Variants in TICRR observed in about 807,000 individuals in gnomAD.
TICRR encodes treslin.
TICRR carries 132 observed loss-of-function variants against 178.1 expected under a neutral mutation model. That is an observed-to-expected ratio of 0.74 (90% CI 0.64 to 0.86). The LOEUF (loss-of-function observed/expected upper bound fraction) is 0.86, where lower values mean the gene tolerates loss of function less well. Among genes scored for constraint, TICRR ranks in the 40% least tolerant of loss-of-function variants. TICRR has a pLI of 0.00. For synonymous variants in TICRR, 991 were observed against 900.7 expected, an observed-to-expected ratio of 1.10 and a Z score of -1.79; for missense variants, 2,587 against 2,334.3, an observed-to-expected ratio of 1.11 and a Z score of -2.23.
rs1276851115 is a variant in TICRR, at chr15:89,624,970, G to A, written c.4660G>A (p.Ala1554Thr). ...PASAWHSTDS[A>T]SPQTYEVELE... ...ATCAGCTTGGCATTCCACAGACTCT[G>A]CCAGCCCACAGACCTATGAGGTTGA... The change falls in exon 20 of 22, where the codon GCC (alanine) becomes ACC (threonine). Residue 1554 changes from alanine (A) to threonine (T), a missense_variant. Physicochemically the swap from Ala to Thr is moderately conservative, Grantham distance 58. Coordinates refer to ENST00000268138, the MANE Select transcript of TICRR (RefSeq NM_152259.4). The A allele has an allele frequency of 3.7e-6, 6 of 1,614,066 alleles. No individual in the cohort carries two copies. In the East Asian group the frequency reaches 1.3e-4, roughly 36 times the overall value.
chr15:89,586,101 T>C (rs1175176587), intron 4 of TICRR, among the ~76,000 whole-genome samples, 159 bp downstream of exon 4: 1 of 152,208 alleles, frequency 6.6e-6, no homozygotes, highest in Non-Finnish European at 1.5e-5. Flanking sequence ...TTATTATTTA[T>C]AGAATTCCTT....
intron 17 of TICRR, 41 bp from the exon 18 acceptor site, chr15:89,619,667 G>A: frequency 6.3e-7 from 1 of 1,576,538 alleles, no homozygotes; most frequent in Non-Finnish European, 8.6e-7. Context: ...TGTCAAGCTT[G>A]TAGTTGTCTT....
intron 4 of TICRR, among the ~76,000 whole-genome samples, chr15:89,587,256 G>A (rs1299171847): frequency 4.6e-5 from 7 of 152,116 alleles, no homozygotes; most frequent in Non-Finnish European, 8.8e-5. Flanking sequence ...GGGGTGGTGA[G>A]GACTGGAGGG....
chr15:89,615,017 G>A (rs1470633250), intron 15 of TICRR, among the ~76,000 whole-genome samples: 1 of 152,200 alleles, frequency 6.6e-6, no homozygotes, highest in East Asian at 1.9e-4. Context: ...AGTGCTACAC[G>A]TGTGTGGACT....
intron 7 of TICRR, 129 bp downstream of exon 7, chr15:89,595,740 A>C: frequency 1.5e-6 from 1 of 667,592 alleles, no homozygotes; most frequent in Non-Finnish European, 2.5e-6. Context: ...ACAGTAAATA[A>C]TAAGATAATG....
Position 89,626,938 on chromosome 15 carries a change from C to T in TICRR, c.5603-18C>T, listed in dbSNP as rs372217618. ...CCTCTGTGACTCCTGCATGCTAAGC[C>T]TTTCTACCTTCTTCTAGATGAGGAT... On this transcript the variant is annotated intron_variant, in intron 21 of 21. Coordinates refer to ENST00000268138, the MANE Select transcript of TICRR (RefSeq NM_152259.4). 6.2e-7 allele frequency: 1 copy of T among 1,612,442 alleles called. No individual in the cohort carries two copies.
At position 89,624,002 on chromosome 15, in the gene TICRR, C is replaced by T; in HGVS notation, c.3692C>T (p.Ser1231Leu). ...CCCTCCTGTCCAGCCCCTCCAACTT[C>T]ATCGACTGCCCAGCCCAGGAGAGAG... ...ESPSCPAPPT[S>L]STAQPRRECL... Residue 1231 changes from serine (S) to leucine (L), a missense_variant, in exon 20 of 22, where the codon TCA becomes TTA. Ser to Leu is a moderately radical substitution (Grantham distance 145, BLOSUM62 -2). Coordinates refer to ENST00000268138, the MANE Select transcript of TICRR (RefSeq NM_152259.4). The T allele has an allele frequency of 1.9e-6, 3 of 1,613,738 alleles. No individual in the cohort carries two copies. Among genetic ancestry groups the T allele is most frequent in the Non-Finnish European group, 2.5e-6 (3 of 1,180,010 alleles).
At chr15:89,590,443 G>A (rs943665208) in intron 4 of TICRR, among the ~76,000 whole-genome samples, 1 of 152,186 alleles carries the variant, frequency 6.6e-6, no homozygotes, top group African/African-American at 2.4e-5. Context: ...TATTTATATA[G>A]TCTTGGAAGC....
At position 89,624,575 on chromosome 15, in the gene TICRR, A is replaced by T. The variant is rs143531730; in HGVS notation, c.4265A>T (p.Asp1422Val). The T allele has an allele frequency of 2.7e-5, 44 of 1,613,782 alleles. 1 individual carries two copies. The Middle Eastern group carries it at 4.9e-4, about 18-fold the overall frequency. Residue 1422 changes from aspartate to valine, a missense_variant, in exon 20 of 22, where the codon GAT becomes GTT. By Grantham distance (152) the Asp-to-Val change is radical. Coordinates refer to ENST00000268138, the MANE Select transcript of TICRR (RefSeq NM_152259.4). Reference protein sequence around the residue: ...DSPAAPTDSRDDQKGLSLSPQ... With the variant: ...DSPAAPTDSRVDQKGLSLSPQ... ...CCAGCTGCCCCCACAGACTCTAGAG[A>T]TGACCAGAAGGGACTGAGCCTCTCT...
Position 89,575,559 on chromosome 15 carries a change from G to C in TICRR, c.-28G>C. The C allele has an allele frequency of 1.3e-5, 19 of 1,448,510 alleles. No individual in the cohort carries two copies. The highest frequency in any genetic ancestry group is 1.7e-5 in the Non-Finnish European group (19 of 1,108,486). The allele number at this position is 1,448,510 out of a possible 1,614,324, so 89.7% of individuals were successfully genotyped here. On this transcript the variant is annotated 5_prime_UTR_variant, in exon 1 of 22. Coordinates refer to ENST00000268138, the MANE Select transcript of TICRR (RefSeq NM_152259.4). ...AGGGACGGTGGCGCGGGCCCGGACC[G>C]GGGCCCCGGGGCGGCGGCACGGCCG...
intron 11 of TICRR, 59 bp downstream of exon 11, chr15:89,601,627 T>G: frequency 6.2e-7 from 1 of 1,608,040 alleles, no homozygotes; most frequent in Non-Finnish European, 8.5e-7. Flanking sequence ...CTATGTATGG[T>G]GTTGTCTCTG....
At chr15:89,611,512 C>A (rs1458076396) in intron 15 of TICRR, among the ~76,000 whole-genome samples, 12 of 152,106 alleles carry the variant, frequency 7.9e-5, no homozygotes, top group Non-Finnish European at 5.9e-5. Flanking sequence ...TGTATATGTT[C>A]ATGTCTTTCA....
intron 13 of TICRR, among the ~76,000 whole-genome samples, chr15:89,604,007 G>C (rs777890298): frequency 4.3e-4 from 65 of 151,684 alleles, no homozygotes; most frequent in Non-Finnish European, 8.4e-4. Context: ...CATGGCAGTT[G>C]ATATAAGGAC....
At chr15:89,611,073 A>G (rs1335866517) in intron 15 of TICRR, among the ~76,000 whole-genome samples, 4 of 152,000 alleles carry the variant, frequency 2.6e-5, no homozygotes, top group Non-Finnish European at 4.4e-5. Flanking sequence ...CAAAATTACC[A>G]TAATGCTGGC....
chr15:89,581,598 G>T (rs991177600), intron 1 of TICRR, among the ~76,000 whole-genome samples: 1 of 152,196 alleles, frequency 6.6e-6, no homozygotes, highest in African/African-American at 2.4e-5. Context: ...CTTAAAATAT[G>T]GCATGTTCAG....
At chr15:89,586,431 G>A (rs921590372) in intron 4 of TICRR, among the ~76,000 whole-genome samples, 15 of 152,092 alleles carry the variant, frequency 9.9e-5, no homozygotes, top group Non-Finnish European at 1.6e-4. Flanking sequence ...AGTACCTGCT[G>A]TATGGCAGGC....
At chr15:89,620,956 A>T (rs1223902974) in intron 18 of TICRR, among the ~76,000 whole-genome samples, 1 of 150,880 alleles carries the variant, frequency 6.6e-6, no homozygotes, top group Non-Finnish European at 1.5e-5. Context: ...TCTCCGACTT[A>T]GTGATCTGCC....
Position 89,575,563 on chromosome 15 carries a change from C to T in TICRR, c.-24C>T. The T allele has an allele frequency of 1.4e-6, 2 of 1,450,232 alleles. No individual in the cohort carries two copies. The highest frequency in any genetic ancestry group is 2.9e-5 in the African/African-American group (2 of 68,894). 89.8% of individuals were successfully genotyped at this position (1,450,232 alleles called of 1,614,324 possible). A position where few individuals can be genotyped will look rare whatever the true frequency, so the allele number is the denominator to read the frequency against. On this transcript the variant is annotated 5_prime_UTR_variant, in exon 1 of 22. Transcript: ENST00000268138. ...ACGGTGGCGCGGGCCCGGACCGGGG[C>T]CCCGGGGCGGCGGCACGGCCGATAT...
rs562686861 is a variant in TICRR at position 89,625,709 on chromosome 15, G to A, written c.5399G>A (p.Ser1800Asn). 9.3e-6 allele frequency: 15 copies of A among 1,613,034 alleles called. No individual in the cohort carries two copies. The highest frequency in any genetic ancestry group is 1.3e-5 in the Non-Finnish European group (15 of 1,179,758). The change falls in exon 20 of 22, where the codon AGT becomes AAT. Residue 1800 changes from serine (S) to asparagine (N), a missense_variant. Coordinates refer to ENST00000268138, the MANE Select transcript of TICRR (RefSeq NM_152259.4). Reference sequence around the variant, plus strand: ...GACCTGAGAGAAGATTCAGAAGTTAGTAAGAGTAAAGAGGGGTCTCCAAGT... The same window carrying A: ...GACCTGAGAGAAGATTCAGAAGTTAATAAGAGTAAAGAGGGGTCTCCAAGT... ...ICDLREDSEV[S>N]KSKEGSPSWS...
Sources: gnomAD v4.1 joint callset for allele counts (sites outside exome capture counted in the v4.1 genomes callset) on GRCh38, gnomAD v4.1.1 for gene constraint, MANE v1.5 for transcripts, NCBI Gene and HGNC (gene_info 2026-07-23, HGNC 2026-07-21) for gene names.